SCNN1B: variants seen among roughly 807,000 people sequenced by gnomAD.
SCNN1B encodes the protein sodium channel epithelial 1 subunit beta, also known as epithelial sodium channel subunit beta.
SCNN1B carries 46 observed loss-of-function variants against 65.3 expected under a neutral mutation model. The ratio of observed to expected loss-of-function variants is 0.70; its 90% CI spans 0.56 to 0.90. The LOEUF is 0.90. Among genes scored for constraint, SCNN1B ranks in the 40% least tolerant of loss-of-function variants. SCNN1B has a pLI of 0.00. For missense variants in SCNN1B, 751 were observed against 830.5 expected (o/e 0.90, Z 1.18); for synonymous variants, 349 against 330.6 (o/e 1.06, Z -0.60).
intron 1 of SCNN1B, among the ~76,000 whole-genome samples, chr16:23,320,868 T>TC (rs1247767189): frequency 1.3e-5 from 2 of 152,162 alleles, no homozygotes; most frequent in Non-Finnish European, 2.9e-5. Context: ...CAGGGCCCTC[T>TC]CTTGGGTCAG....
chr16:23,380,877 T>G lies in SCNN1B; in HGVS notation c.*76T>G. 6.6e-7 allele frequency: 1 copy of G among 1,523,034 alleles called. No individual in the cohort carries two copies. The allele number at this position is 1,523,034 out of a possible 1,614,324, so 94.3% of individuals were successfully genotyped here. ...TGTTGCCCGAGGCCTCACTGTATGG[T>G]GCCCTCTCCAAAGGGTCGGGAGGGT... On this transcript the variant is annotated 3_prime_UTR_variant, in exon 13 of 13. Transcript: ENST00000343070. This position sits in a 1 kb window ranked among gnomAD's most constrained non-coding sequence, Gnocchi z 5.4.
At chr16:23,319,497 A>T (rs1961543013) in intron 1 of SCNN1B, among the ~76,000 whole-genome samples, 2 of 152,222 alleles carry the variant, frequency 1.3e-5, no homozygotes, top group African/African-American at 2.4e-5. Flanking sequence ...ATCACATTTC[A>T]TGACACATGG....
At chr16:23,356,624 T>TA (rs1962426595) in intron 4 of SCNN1B, among the ~76,000 whole-genome samples, 2 of 42,754 alleles carry the variant, frequency 4.7e-5, no homozygotes, top group Non-Finnish European at 3.6e-5. Flanking sequence ...ACCCTGTCTC[T>TA]TAAAAAAAAA....
intron 2 of SCNN1B, among the ~76,000 whole-genome samples, chr16:23,289,881 G>T (rs1960899986): frequency 6.6e-6 from 1 of 151,900 alleles, no homozygotes; most frequent in Non-Finnish European, 1.5e-5. Flanking sequence ...TCACCATGTT[G>T]GCCAGGCTGG....
intron 1 of SCNN1B, among the ~76,000 whole-genome samples, chr16:23,305,565 T>A (rs1334732596): frequency 0.039 from 2,137 of 54,134 alleles, 158 homozygotes; most frequent in East Asian, 0.11. Context: ...TATATATATA[T>A]ATATATATAT....
At chr16:23,290,853 C>T (rs971561520) in intron 2 of SCNN1B, among the ~76,000 whole-genome samples, 7 of 152,048 alleles carry the variant, frequency 4.6e-5, no homozygotes, top group Non-Finnish European at 8.8e-5. Context: ...TTAAAAGTTT[C>T]GAAAGTTTTG....
At chr16:23,297,876 C>T (rs138397449), upstream of SCNN1B, among the ~76,000 whole-genome samples, 1 of 152,234 alleles carries the variant, frequency 6.6e-6, no homozygotes, top group East Asian at 1.9e-4. Flanking sequence ...GTGCAGTTAC[C>T]TGAAGTAGAA....
chr16:23,357,705 G>T (rs1045230022), intron 4 of SCNN1B, among the ~76,000 whole-genome samples: 2 of 152,180 alleles, frequency 1.3e-5, no homozygotes, highest in Non-Finnish European at 2.9e-5. Context: ...ATTAGCAAAA[G>T]GTGGTTCCCA....
At chr16:23,329,977 C>T (rs1156878982) in intron 1 of SCNN1B, among the ~76,000 whole-genome samples, 1 of 150,550 alleles carries the variant, frequency 6.6e-6, no homozygotes, top group African/African-American at 2.4e-5. Flanking sequence ...CGGTGAATTG[C>T]GATTGCACCA....
intron 3 of SCNN1B, among the ~76,000 whole-genome samples, chr16:23,354,412 T>C (rs238548): frequency 0.97 from 148,134 of 152,366 alleles, 72,036 homozygotes; most frequent in East Asian, 1. Context: ...TCTATCCGGC[T>C]TCCCGGGTTC....
chr16:23,338,411 A>T (rs1329614390), intron 1 of SCNN1B, among the ~76,000 whole-genome samples: 4 of 152,234 alleles, frequency 2.6e-5, no homozygotes, highest in Non-Finnish European at 5.9e-5. Context: ...GCAGAGGCAG[A>T]AACATGCAAG....
At chr16:23,279,725 G>A (rs1951360693) in intron 1 of SCNN1B, among the ~76,000 whole-genome samples, 1 of 152,208 alleles carries the variant, frequency 6.6e-6, no homozygotes, top group African/African-American at 2.4e-5. Flanking sequence ...AGATTGTGGA[G>A]TGAAATTCGT....
At position 23,380,057 on chromosome 16, in the gene SCNN1B, A is replaced by G; in HGVS notation, c.1467-37A>G. 1 of 1,490,744 alleles carries G rather than the reference A, an allele frequency of 6.7e-7. No homozygotes were observed. The highest frequency in any genetic ancestry group is 9.4e-7 in the Non-Finnish European group (1 of 1,067,836). 92.3% of individuals were successfully genotyped at this position (1,490,744 alleles called of 1,614,324 possible). A position where few individuals can be genotyped will look rare whatever the true frequency, so the allele number is the denominator to read the frequency against. On this transcript the variant is annotated intron_variant, in intron 11 of 12. Transcript: ENST00000343070. This position sits in a 1 kb window ranked among gnomAD's most constrained non-coding sequence, Gnocchi z 5.4. ...GTGTGTCTGTCTGTTTGGAAGGGGG[A>G]TACATTAGTCCCGGCCCTTCTCGCT...
intron 1 of SCNN1B, among the ~76,000 whole-genome samples, chr16:23,332,492 C>T (rs996369572): frequency 5.9e-5 from 9 of 151,958 alleles, no homozygotes; most frequent in Non-Finnish European, 1.2e-4. Context: ...GCACAGCACC[C>T]GGCCTCGTTT....
intron 2 of SCNN1B, among the ~76,000 whole-genome samples, chr16:23,349,444 G>A (rs569652661): frequency 3.0e-4 from 45 of 152,118 alleles, no homozygotes; most frequent in Non-Finnish European, 5.4e-4. Flanking sequence ...CTGAGATGGC[G>A]CCACTTGAGT....
chr16:23,378,822 G>C, intron 11 of SCNN1B, 55 bp downstream of exon 11: 1 of 1,541,232 alleles, frequency 6.5e-7, no homozygotes, highest in Non-Finnish European at 9.0e-7. Flanking sequence ...CCAGAAACTC[G>C]GGGCAGGAGT....
chr16:23,364,873 C>A (rs1962616928), intron 4 of SCNN1B, among the ~76,000 whole-genome samples: 1 of 152,030 alleles, frequency 6.6e-6, no homozygotes, highest in Admixed American at 6.6e-5. Context: ...CGCCTGTAAT[C>A]CTAGCACTTT....
At position 23,343,531 on chromosome 16, in the gene SCNN1B, AGAGG is replaced by A. The variant is rs200279150; in HGVS notation, c.-8-5046_-8-5043del. On this transcript the variant is annotated intron_variant, in intron 1 of 12. Coordinates refer to ENST00000343070, the MANE Select transcript of SCNN1B (RefSeq NM_000336.3). ...GGAAAAGGAAGGAAGGAAGGAAGAA[AGAGG>A]GAGGGAGGGAGGGAAGGAAGGAAGG... is the stretch of plus-strand genomic sequence containing the variant. Among the ~76,000 whole-genome samples, 82 of 125,276 alleles carry A rather than the reference AGAGG, an allele frequency of 6.5e-4. 1 individual carries two copies. Among genetic ancestry groups the A allele is most frequent in the African/African-American group, 2.2e-3 (60 of 27,514 alleles). 82.2% of individuals were successfully genotyped at this position (125,276 alleles called of 152,430 possible).
At chr16:23,376,860 G>T (rs560805554) in intron 8 of SCNN1B, among the ~76,000 whole-genome samples, 3 of 152,002 alleles carry the variant, frequency 2.0e-5, no homozygotes, top group Admixed American at 2.0e-4. Context: ...ATGGGAAAAC[G>T]TTATTCCTTC....
Sources: allele counts gnomAD v4.1 joint callset (sites outside exome capture counted in the v4.1 genomes callset), GRCh38; gene constraint gnomAD v4.1.1; non-coding constraint Gnocchi (gnomAD v3.1); transcripts MANE v1.5; gene names NCBI Gene and HGNC (gene_info 2026-07-23, HGNC 2026-07-21).